The following SPECC1 variants were observed in gnomAD, a reference collection of about 807,000 sequenced individuals.
The protein encoded by SPECC1 is cytospin-B.
A neutral mutation model predicts 104.1 loss-of-function variants in SPECC1; 62 were observed. The ratio of observed to expected loss-of-function variants is 0.60; its 90% CI spans 0.49 to 0.74. The LOEUF (loss-of-function observed/expected upper bound fraction) is 0.74. SPECC1 is among the 30% of genes least tolerant of loss of function. The pLI is 0.00. For missense variants in SPECC1, 1,306 were observed against 1,310.5 expected (o/e 1.00, Z 0.05); for synonymous variants, 513 against 501.6 (o/e 1.02, Z -0.30).
intron 1 of SPECC1, among the ~76,000 whole-genome samples, chr17:20,051,054 CTTTCTTTCTTTCTT>C (rs2045722489): frequency 1.5e-5 from 2 of 136,532 alleles, no homozygotes; most frequent in East Asian, 2.0e-4. Context: ...TTGGTTCTTT[CTTTCTTTCTTTCTT>C]TTTCTTTCTT....
rs1161114719 is a variant in SPECC1 at position 20,238,428 on chromosome 17, A to G, written c.2351+6023A>G. On this transcript the variant is annotated intron_variant, in intron 7 of 14. Transcript: ENST00000395527. The stretch of plus-strand genomic sequence containing the variant: ...ACCTTCTGCAATCCTCACATGAGGA[A>G]CTGGTTCACAGTGTACACAGCATGG... 9.6e-6 allele frequency: 10 copies of G among 1,041,658 alleles called. No individual in the cohort carries two copies. The South Asian group carries it at 3.7e-4, about 38-fold the overall frequency. 64.5% of individuals were successfully genotyped at this position (1,041,658 alleles called of 1,614,324 possible). A position where few individuals can be genotyped will look rare whatever the true frequency, so the allele number is the denominator to read the frequency against.
At position 20,146,908 on chromosome 17, in the gene SPECC1, AAAAAC is replaced by A. The variant is rs139003926; in HGVS notation, c.283+36362_283+36366del. On this transcript the variant is annotated intron_variant, in intron 3 of 14. Coordinates refer to ENST00000395527, the MANE Select transcript of SPECC1 (RefSeq NM_001243439.2). The stretch of plus-strand genomic sequence containing the variant: ...GCAATAAGAGCAAAACTCTGTCTCA[AAAAAC>A]AAAACAAAACAAAACTGACAAACTG... Among the ~76,000 whole-genome samples, 6 of 151,980 alleles carry A rather than the reference AAAAAC, an allele frequency of 3.9e-5. No homozygotes were observed. In the East Asian group the frequency reaches 5.8e-4, roughly 15 times the overall value.
At chr17:20,169,457 A>G (rs1162564031) in intron 3 of SPECC1, among the ~76,000 whole-genome samples, 1 of 152,084 alleles carries the variant, frequency 6.6e-6, no homozygotes, top group Non-Finnish European at 1.5e-5. Context: ...AGATAGAATG[A>G]TTTGATGGAT....
intron 12 of SPECC1, among the ~76,000 whole-genome samples, chr17:20,266,311 CG>C (rs1253018739): frequency 2.0e-4 from 31 of 152,034 alleles, no homozygotes; most frequent in African/African-American, 7.2e-4. Context: ...GGGCCGGGCG[CG>C]GTGACTCACG....
intron 1 of SPECC1, among the ~76,000 whole-genome samples, chr17:20,022,153 G>A (rs2044416841): frequency 1.3e-5 from 2 of 151,514 alleles, no homozygotes; most frequent in East Asian, 2.0e-4. Context: ...ATGTTAGCCA[G>A]GATGGTCTCG....
chr17:20,136,949 T>G (rs374777758), intron 3 of SPECC1, among the ~76,000 whole-genome samples: 1 of 152,186 alleles, frequency 6.6e-6, no homozygotes, highest in East Asian at 1.9e-4. Context: ...TTCCTCCCAC[T>G]AAGGTTTGAG....
chr17:20,021,689 TATATATATA>T (rs1567797483), intron 1 of SPECC1, among the ~76,000 whole-genome samples: 5 of 122,114 alleles, frequency 4.1e-5, no homozygotes, highest in African/African-American at 1.7e-4. Flanking sequence ...TAATAATATA[TATATATATA>T]TATATTTTTT....
chr17:20,080,065 T>C (rs181209398), intron 1 of SPECC1, among the ~76,000 whole-genome samples: 1 of 152,330 alleles, frequency 6.6e-6, no homozygotes, highest in Admixed American at 6.5e-5. Flanking sequence ...CTTATTACAG[T>C]TCCTAAAACT....
At chr17:20,018,219 T>G (rs939416130) in intron 1 of SPECC1, 5 of 152,362 alleles carry the variant, frequency 3.3e-5, no homozygotes, top group Middle Eastern at 3.4e-3. Context: ...TGTATTGGGC[T>G]ATGGTTTGCT....
intron 12 of SPECC1, among the ~76,000 whole-genome samples, chr17:20,288,946 G>A (rs527920541): frequency 4.6e-5 from 7 of 151,880 alleles, no homozygotes; most frequent in African/African-American, 1.4e-4. Flanking sequence ...CACCGTGCCC[G>A]GCTAATTTTT....
chr17:20,220,610 A>G (rs1317585094), intron 4 of SPECC1, among the ~76,000 whole-genome samples: 1 of 143,488 alleles, frequency 7.0e-6, no homozygotes, highest in Non-Finnish European at 1.5e-5. Flanking sequence ...ATATCAAGTC[A>G]TATCATCTGC....
At chr17:20,131,678 C>T (rs2049642576) in intron 3 of SPECC1, among the ~76,000 whole-genome samples, 2 of 133,534 alleles carry the variant, frequency 1.5e-5, no homozygotes, top group Admixed American at 1.7e-4. Context: ...AAGATGGAGT[C>T]TCACTCTGTC....
intron 11 of SPECC1, among the ~76,000 whole-genome samples, chr17:20,259,708 C>T (rs1218228299): frequency 1.3e-5 from 2 of 151,842 alleles, no homozygotes; most frequent in Admixed American, 6.6e-5. Flanking sequence ...GATGGGGTCT[C>T]GCTATGTTGC....
intron 7 of SPECC1, among the ~76,000 whole-genome samples, chr17:20,240,060 A>ATTT (rs748689632): frequency 0.055 from 1,778 of 32,164 alleles, 378 homozygotes; most frequent in East Asian, 0.15. Flanking sequence ...TGTCCAGCTA[A>ATTT]TTTTTTTTTT....
chr17:20,088,868 G>A (rs186994883), intron 1 of SPECC1, among the ~76,000 whole-genome samples: 7 of 152,348 alleles, frequency 4.6e-5, no homozygotes, highest in Non-Finnish European at 8.8e-5. Flanking sequence ...CCTCATGAAT[G>A]GGATTGTGCT....
intron 4 of SPECC1, among the ~76,000 whole-genome samples, chr17:20,207,639 G>A (rs2036872326): frequency 6.6e-6 from 1 of 152,062 alleles, no homozygotes; most frequent in South Asian, 2.1e-4. Flanking sequence ...GATTTAAAAA[G>A]TACAGAAAAG....
intron 1 of SPECC1, among the ~76,000 whole-genome samples, chr17:20,050,597 G>A (rs1014973279): frequency 6.6e-6 from 1 of 152,178 alleles, no homozygotes; most frequent in Non-Finnish European, 1.5e-5. Context: ...CATTGTTAGG[G>A]CATGTGTTTA....
intron 3 of SPECC1, among the ~76,000 whole-genome samples, chr17:20,171,952 C>T (rs1308422359): frequency 1.3e-5 from 2 of 152,198 alleles, no homozygotes; most frequent in Admixed American, 6.5e-5. Flanking sequence ...CCTGCCAGAA[C>T]TGTATACAGA....
chr17:20,287,387 G>T (rs982367170), intron 12 of SPECC1, among the ~76,000 whole-genome samples: 1 of 138,100 alleles, frequency 7.2e-6, no homozygotes, highest in African/African-American at 2.8e-5. Flanking sequence ...ACTGCAGTCC[G>T]CAGTCCGGCC....
Sources: gnomAD v4.1 joint callset for allele counts (sites outside exome capture counted in the v4.1 genomes callset) on GRCh38, gnomAD v4.1.1 for gene constraint, MANE v1.5 for transcripts, NCBI Gene and HGNC (gene_info 2026-07-23, HGNC 2026-07-21) for gene names.